AIRE: variants seen among roughly 807,000 people sequenced by gnomAD.
AIRE encodes the protein autoimmune polyendocrinopathy candidiasis ectodermal dystrophy protein.
In AIRE, 52 loss-of-function variants were observed where a neutral mutation model predicts 62.1. The ratio of observed to expected loss-of-function variants is 0.84; its 90% CI spans 0.67 to 1.06. AIRE has a LOEUF of 1.06. Among genes scored for constraint, AIRE ranks in the 50% least tolerant of loss-of-function variants. The probability of loss-of-function intolerance (pLI) is 0.00; values close to 1 mark genes in which losing one functional copy is unlikely to be tolerated. For synonymous variants in AIRE, 342 were observed against 321.6 expected (o/e 1.06, Z -0.68); for missense variants, 774 against 755.8 (o/e 1.02, Z -0.28).
chr21:44,296,534 G>C, intron 13 of AIRE, 89 bp downstream of exon 13: 1 of 1,275,660 alleles, frequency 7.8e-7, no homozygotes, highest in Non-Finnish European at 1.1e-6. Flanking sequence ...GGGGAGGACT[G>C]CCGGCCCCCA....
At chr21:44,291,833 C>T (rs2040543792) in intron 8 of AIRE, among the ~76,000 whole-genome samples, 2 of 152,210 alleles carry the variant, frequency 1.3e-5, no homozygotes, top group Admixed American at 6.5e-5. Context: ...CGTCATCAGG[C>T]CCCCTCTCAG....
In AIRE at chr21:44,285,918, C is replaced by T; in HGVS notation, c.-89C>T. ...CACAGCCGGCGCGGAGGCCCCACAGCCCCGCCGGGACCCGAGGCCAAGCGA... is the reference window on the plus strand; with the variant it reads ...CACAGCCGGCGCGGAGGCCCCACAGTCCCGCCGGGACCCGAGGCCAAGCGA... On this transcript the variant is annotated 5_prime_UTR_variant, in exon 1 of 14. Transcript: ENST00000291582. 1.5e-6 allele frequency: 2 copies of T among 1,352,618 alleles called. No homozygotes were observed. The highest frequency in any genetic ancestry group is 2.0e-6 in the Non-Finnish European group (2 of 1,019,406). 83.8% of individuals were successfully genotyped at this position (1,352,618 alleles called of 1,614,324 possible). A position where few individuals can be genotyped will look rare whatever the true frequency, so the allele number is the denominator to read the frequency against.
At chr21:44,289,626 T>C in intron 5 of AIRE, 31 bp from the exon 6 acceptor site, 1 of 1,612,080 alleles carries the variant, frequency 6.2e-7, no homozygotes, top group Non-Finnish European at 8.5e-7. Flanking sequence ...GCTGGGCGGG[T>C]GAGCCAGGAC....
chr21:44,295,603 A>G (rs1464818477), intron 12 of AIRE, among the ~76,000 whole-genome samples: 1 of 152,184 alleles, frequency 6.6e-6, no homozygotes, highest in East Asian at 1.9e-4. Flanking sequence ...CTGTCTCTGA[A>G]CAGCAGAGAC....
intron 13 of AIRE, among the ~76,000 whole-genome samples, chr21:44,296,942 T>C (rs1378991735): frequency 9.5e-6 from 1 of 105,758 alleles, no homozygotes; most frequent in African/African-American, 3.1e-5. Context: ...TTTTAAGGGC[T>C]CTGTCTGTTT....
rs75176081 is a variant in AIRE, at chr21:44,298,544, C to T, written c.*817C>T. On this transcript the variant is annotated 3_prime_UTR_variant, in exon 14 of 14. Transcript: ENST00000291582. ...TCATCTATGCTTTCCTCAGCAGACA[C>T]CTGGGTGCTTCCACCTTTTGGCTGT... The T allele has an allele frequency of 2.6e-5, 4 of 152,414 alleles. No homozygotes were observed. Among genetic ancestry groups the T allele is most frequent in the African/African-American group, 9.6e-5 (4 of 41,466 alleles). The allele number at this position is 152,414 out of a possible 1,614,324, so 9.4% of individuals were successfully genotyped here.
Position 44,293,652 on chromosome 21 carries a change from C to T in AIRE, c.1279-137C>T, listed in dbSNP as rs572163958. ...CGCTGTCCTGCAGCCTGCGTGGCACCGTGAGGCTCCTCACTTGCGCCTAGA... is the reference window on the plus strand; with the variant it reads ...CGCTGTCCTGCAGCCTGCGTGGCACTGTGAGGCTCCTCACTTGCGCCTAGA... On this transcript the variant is annotated intron_variant, in intron 10 of 13. Coordinates refer to ENST00000291582, the MANE Select transcript of AIRE (RefSeq NM_000383.4). 123 of 1,407,524 alleles carry T rather than the reference C, an allele frequency of 8.7e-5. 1 individual carries two copies. The Middle Eastern group carries it at 1.2e-3, about 14-fold the overall frequency. 87.2% of individuals were successfully genotyped at this position (1,407,524 alleles called of 1,614,324 possible). A position where few individuals can be genotyped will look rare whatever the true frequency, so the allele number is the denominator to read the frequency against.
chr21:44,292,862 T>A, intron 9 of AIRE, 131 bp from the exon 10 acceptor site: 1 of 758,098 alleles, frequency 1.3e-6, no homozygotes, highest in South Asian at 1.5e-5. Flanking sequence ...ATGCCAGCCC[T>A]CCGCCCCCAC....
chr21:44,293,710 G>T, intron 10 of AIRE, 79 bp from the exon 11 acceptor site: 1 of 1,585,490 alleles, frequency 6.3e-7, no homozygotes, highest in South Asian at 1.1e-5. Context: ...TCCCAGGGGA[G>T]AGCGCACAGG....
Position 44,289,730 on chromosome 21 carries a change from G to A in AIRE, c.726G>A (p.Gly242=). Residue 242 remains glycine (G), a synonymous_variant, in exon 6 of 14, where the codon GGG becomes GGA. Transcript: ENST00000291582. ...TPSKFEDSGS[G]KNKARSSSGP... ...GCAAGTTCGAAGACTCCGGCAGTGGGAAGAACAAGGCCCGCAGCAGCAGTG... is the reference window on the plus strand; with the variant it reads ...GCAAGTTCGAAGACTCCGGCAGTGGAAAGAACAAGGCCCGCAGCAGCAGTG... 6.2e-7 allele frequency: 1 copy of A among 1,612,854 alleles called. No individual in the cohort carries two copies. Among genetic ancestry groups the A allele is most frequent in the East Asian group, 2.2e-5 (1 of 44,892 alleles).
rs1397560628 is a variant in AIRE, at chr21:44,293,102, C to G, written c.1205C>G (p.Ser402Cys). ...TACAAGCACCTGCCGGCTCCGCCTTCTGCAGCCCCGCTGCCAGGGCTGGAC... is the reference window on the plus strand; with the variant it reads ...TACAAGCACCTGCCGGCTCCGCCTTGTGCAGCCCCGCTGCCAGGGCTGGAC... ...LVYKHLPAPPSAAPLPGLDSS... is the reference protein window; with the variant it reads ...LVYKHLPAPPCAAPLPGLDSS... Residue 402 changes from serine to cysteine, a missense_variant, in exon 10 of 14, where the codon TCT (serine) becomes TGT (cysteine). Physicochemically the swap from Ser to Cys is moderately radical, Grantham distance 112. Transcript: ENST00000291582. The G allele has an allele frequency of 6.2e-7, 1 of 1,608,428 alleles. No homozygotes were observed. The highest frequency in any genetic ancestry group is 8.5e-7 in the Non-Finnish European group (1 of 1,178,330).
In AIRE at chr21:44,296,378, T is replaced by A; in HGVS notation, c.1504-5T>A. The stretch of plus-strand genomic sequence containing the variant: ...GGCTGACCTCTTCTCTTTACTGGGT[T>A]CCAGGATGACACTGCCAGTCACGAG... On this transcript the variant is annotated splice_polypyrimidine_tract_variant and splice_region_variant and intron_variant, in intron 12 of 13. Transcript: ENST00000291582. 1 of 1,611,864 alleles carries A rather than the reference T, an allele frequency of 6.2e-7. No individual in the cohort carries two copies. The highest frequency in any genetic ancestry group is 8.5e-7 in the Non-Finnish European group (1 of 1,179,394).
intron 12 of AIRE, 97 bp from the exon 13 acceptor site, chr21:44,296,286 G>A (rs374786966): frequency 7.3e-6 from 8 of 1,102,872 alleles, no homozygotes; most frequent in East Asian, 2.4e-5. Flanking sequence ...ATCTCAGTGT[G>A]GGGGAAACAC....
In AIRE at chr21:44,287,510, C is replaced by G. The variant is rs768310786; in HGVS notation, c.464-7C>G. On this transcript the variant is annotated splice_polypyrimidine_tract_variant and splice_region_variant and intron_variant, in intron 3 of 13. Transcript: ENST00000291582. This position sits in a 1 kb window ranked among gnomAD's most constrained non-coding sequence, Gnocchi z 4.3. ...GAGGCCAGGCTGCCCCCAGCTCCCC[C>G]ATTCAGGCTCTCAACTGAAGGCCAA... The G allele has an allele frequency of 1.3e-6, 2 of 1,551,430 alleles. No homozygotes were observed. Among genetic ancestry groups the G allele is most frequent in the Non-Finnish European group, 1.7e-6 (2 of 1,147,460 alleles).
At chr21:44,292,005 G>T (rs1280397127) in intron 8 of AIRE, among the ~76,000 whole-genome samples, 1 of 152,294 alleles carries the variant, frequency 6.6e-6, no homozygotes, top group Admixed American at 6.5e-5. Flanking sequence ...CCCCGGCAGG[G>T]CCCAGCCCTG....
intron 5 of AIRE, 177 bp from the exon 6 acceptor site, chr21:44,289,480 G>C (rs1037436269): frequency 3.9e-6 from 3 of 763,010 alleles, no homozygotes; most frequent in Non-Finnish European, 6.3e-6. Context: ...GAACACCCTG[G>C]TGTAGATCCA....
At chr21:44,296,984 C>T (rs979245389) in intron 13 of AIRE, among the ~76,000 whole-genome samples, 5 of 152,248 alleles carry the variant, frequency 3.3e-5, no homozygotes, top group African/African-American at 7.2e-5. Context: ...TCAGCCTCCA[C>T]GGGTTCTCCT....
At position 44,286,929 on chromosome 21, in the gene AIRE, C is replaced by A; in HGVS notation, c.308-49C>A. ...TCCAGTTCTGGGGCCCACCCTACCC[C>A]TGGAGAAAACCCTGAGGTTGGGACC... On this transcript the variant is annotated intron_variant, in intron 2 of 13. Transcript: ENST00000291582. The surrounding 1 kb of genome is among the most constrained non-coding windows in gnomAD (Gnocchi z 6.0). 1 of 1,612,184 alleles carries A rather than the reference C, an allele frequency of 6.2e-7. No individual in the cohort carries two copies. The highest frequency in any genetic ancestry group is 8.5e-7 in the Non-Finnish European group (1 of 1,179,624).
intron 9 of AIRE, 119 bp downstream of exon 9, chr21:44,292,520 GC>G: frequency 1.4e-6 from 1 of 709,698 alleles, no homozygotes; most frequent in Non-Finnish European, 2.4e-6. Context: ...GGACAGGACT[GC>G]CCCAGCCATA....
Sources: gnomAD v4.1 joint callset for allele counts (sites outside exome capture counted in the v4.1 genomes callset) on GRCh38, gnomAD v4.1.1 for gene constraint, Gnocchi (gnomAD v3.1) non-coding constraint, MANE v1.5 for transcripts, NCBI Gene and HGNC (gene_info 2026-07-23, HGNC 2026-07-21) for gene names.